GLP2R: variants seen among roughly 807,000 people sequenced by gnomAD.
The protein encoded by GLP2R is glucagon-like peptide 2 receptor.
GLP2R carries 59 observed loss-of-function variants against 68.2 expected under a neutral mutation model. That is an observed-to-expected ratio of 0.87 (90% confidence interval 0.70 to 1.07). The LOEUF is 1.07. GLP2R is among the 50% of genes least tolerant of loss of function. The probability of loss-of-function intolerance (pLI) is 0.00; values close to 1 mark genes in which losing one functional copy is unlikely to be tolerated. For missense variants in GLP2R, 548 were observed against 677.4 expected (o/e 0.81, Z 2.12); for synonymous variants, 270 against 265.4 (o/e 1.02, Z -0.17).
chr17:9,868,493 A>G (rs2067061602), intron 9 of GLP2R, among the ~76,000 whole-genome samples: 1 of 152,092 alleles, frequency 6.6e-6, no homozygotes, highest in African/African-American at 2.4e-5. Context: ...CTTAGCACCC[A>G]CCCCCATCTG....
Position 9,860,939 on chromosome 17 carries a change from C to G in GLP2R, c.926-200C>G, listed in dbSNP as rs551670909. ...ACAAGTATCCAGTCGCTTTCCCCCT[C>G]TGGGCCCTGGTTTCTTGGGTGGTAA... On this transcript the variant is annotated intron_variant, in intron 7 of 12. Coordinates refer to ENST00000262441, the MANE Select transcript of GLP2R (RefSeq NM_004246.3). Among the ~76,000 whole-genome samples, 26 of 152,304 alleles carry G rather than the reference C, an allele frequency of 1.7e-4. 1 individual carries two copies. The South Asian group carries it at 5.0e-3, about 29-fold the overall frequency.
rs756639326 is a variant in GLP2R at position 9,880,399 on chromosome 17, C to T, written c.1167C>T (p.Val389=). 6.3e-7 allele frequency: 1 copy of T among 1,599,868 alleles called. No individual in the cohort carries two copies. Among genetic ancestry groups the T allele is most frequent in the South Asian group, 1.1e-5 (1 of 88,808 alleles). The part of the protein sequence containing the change: ...YKYRLAKSTL[V]LIPLLGVHEI... The stretch of plus-strand genomic sequence containing the variant: ...ACAGATTGGCAAAATCAACACTGGT[C>T]CTCATTCCTTTATTGGGCGTTCATG... The change falls in exon 11 of 13, where the codon GTC becomes GTT. Residue 389 remains valine, a synonymous_variant. Transcript: ENST00000262441.
At chr17:9,852,152 C>T (rs1025383211) in intron 4 of GLP2R, among the ~76,000 whole-genome samples, 48 of 151,712 alleles carry the variant, frequency 3.2e-4, no homozygotes, top group Non-Finnish European at 1.0e-4. Context: ...TTGCTGCACC[C>T]ATCAACCCAT....
chr17:9,831,529 A>G (rs569787651), intron 1 of GLP2R, among the ~76,000 whole-genome samples: 1 of 152,284 alleles, frequency 6.6e-6, no homozygotes, highest in South Asian at 2.1e-4. Flanking sequence ...AAGTGTGGCC[A>G]AGGGTCTCTA....
intron 3 of GLP2R, among the ~76,000 whole-genome samples, chr17:9,838,386 G>A (rs766898279): frequency 2.2e-4 from 33 of 152,256 alleles, no homozygotes; most frequent in Middle Eastern, 6.8e-3. Context: ...CTTGGTCCGC[G>A]GGAGCTGAAG....
chr17:9,875,819 T>A (rs1231549749), intron 10 of GLP2R, among the ~76,000 whole-genome samples: 1 of 152,198 alleles, frequency 6.6e-6, no homozygotes, highest in Non-Finnish European at 1.5e-5. Context: ...GCCTTAACTC[T>A]CCATGGGATG....
At position 9,853,042 on chromosome 17, in the gene GLP2R, C is replaced by T. The variant is rs190956968; in HGVS notation, c.505-1453C>T. Reference sequence around the variant, plus strand: ...CGTGGGTGGTGTGATTTCAAAGCCCCCATGGAAACCATTGGCTGTACAGAC... The same window carrying T: ...CGTGGGTGGTGTGATTTCAAAGCCCTCATGGAAACCATTGGCTGTACAGAC... On this transcript the variant is annotated intron_variant, in intron 4 of 12. Coordinates refer to ENST00000262441, the MANE Select transcript of GLP2R (RefSeq NM_004246.3). The T allele has an allele frequency of 1.6e-5, 8 of 497,046 alleles. No homozygotes were observed. In the East Asian group the frequency reaches 3.7e-4, roughly 23 times the overall value. 30.8% of individuals were successfully genotyped at this position (497,046 alleles called of 1,614,324 possible).
At position 9,826,269 on chromosome 17, in the gene GLP2R, A is replaced by T. The variant is rs547784314; in HGVS notation, c.189+17A>T. ...ATCAAGCAAGTAAGAGCAGTTCATT[A>T]TTATTATTATTATCAGTTGTATTTC... On this transcript the variant is annotated intron_variant, in intron 1 of 12. Coordinates refer to ENST00000262441, the MANE Select transcript of GLP2R (RefSeq NM_004246.3). The T allele has an allele frequency of 1.1e-5, 16 of 1,514,608 alleles. No individual in the cohort carries two copies. The African/African-American group carries it at 1.8e-4, about 17-fold the overall frequency. 93.8% of individuals were successfully genotyped at this position (1,514,608 alleles called of 1,614,324 possible). A position where few individuals can be genotyped will look rare whatever the true frequency, so the allele number is the denominator to read the frequency against.
intron 4 of GLP2R, among the ~76,000 whole-genome samples, chr17:9,847,440 T>G (rs2066850598): frequency 6.6e-6 from 1 of 152,074 alleles, no homozygotes; most frequent in South Asian, 2.1e-4. Flanking sequence ...CGGCAATGTT[T>G]TGTATTTTTA....
intron 3 of GLP2R, among the ~76,000 whole-genome samples, chr17:9,836,750 C>T (rs2066735470): frequency 6.6e-6 from 1 of 151,874 alleles, no homozygotes; most frequent in South Asian, 2.1e-4. Context: ...GGTATCCATC[C>T]CCTCAAGCAT....
At chr17:9,842,714 G>T (rs538132427) in intron 4 of GLP2R, 98 bp downstream of exon 4, 65 of 1,309,444 alleles carry the variant, frequency 5.0e-5, no homozygotes, top group Non-Finnish European at 6.3e-5. Context: ...CACACAAAGA[G>T]GCTTCTCCAG....
At chr17:9,867,653 G>A (rs1180336987) in intron 9 of GLP2R, among the ~76,000 whole-genome samples, 1 of 152,182 alleles carries the variant, frequency 6.6e-6, no homozygotes, top group East Asian at 1.9e-4. Flanking sequence ...CTCAAGGACA[G>A]CCTTAGACAA....
intron 10 of GLP2R, among the ~76,000 whole-genome samples, chr17:9,875,847 T>C (rs1052041725): frequency 2.0e-5 from 3 of 152,220 alleles, no homozygotes; most frequent in Non-Finnish European, 4.4e-5. Flanking sequence ...GCAGAGCTCT[T>C]GATTCATTTA....
intron 1 of GLP2R, among the ~76,000 whole-genome samples, chr17:9,828,404 T>C (rs2066651741): frequency 6.6e-6 from 1 of 152,172 alleles, no homozygotes; most frequent in Non-Finnish European, 1.5e-5. Context: ...TCTCTGGATA[T>C]CTCATATCAA....
chr17:9,836,939 T>G (rs1229230793), intron 3 of GLP2R, among the ~76,000 whole-genome samples: 1 of 152,108 alleles, frequency 6.6e-6, no homozygotes, highest in African/African-American at 2.4e-5. Flanking sequence ...AACCTCCGCC[T>G]CCCAGGTTCA....
chr17:9,860,071 C>T lies in GLP2R; in HGVS notation c.895C>T (p.Leu299=), dbSNP rs1362732686. The part of the protein sequence containing the change: ...LEPTVLPERR[L]WPRYLLLGWA... Reference sequence around the variant, plus strand: ...GCCCACAGTGCTTCCTGAGAGGCGGCTGTGGCCCAGATACCTGCTGTTGGG... The same window carrying T: ...GCCCACAGTGCTTCCTGAGAGGCGGTTGTGGCCCAGATACCTGCTGTTGGG... Residue 299 remains leucine (L), a synonymous_variant, in exon 7 of 13, where the codon CTG becomes TTG. Coordinates refer to ENST00000262441, the MANE Select transcript of GLP2R (RefSeq NM_004246.3). The T allele has an allele frequency of 6.2e-7, 1 of 1,610,696 alleles. No individual in the cohort carries two copies. Among genetic ancestry groups the T allele is most frequent in the East Asian group, 2.2e-5 (1 of 44,720 alleles).
chr17:9,839,642 T>C (rs2066766307), intron 3 of GLP2R, among the ~76,000 whole-genome samples: 1 of 152,108 alleles, frequency 6.6e-6, no homozygotes, highest in African/African-American at 2.4e-5. Flanking sequence ...TTCTAAAATA[T>C]CATTCACATT....
chr17:9,848,609 G>A (rs903389560), intron 4 of GLP2R, among the ~76,000 whole-genome samples: 1 of 152,080 alleles, frequency 6.6e-6, no homozygotes, highest in African/African-American at 2.4e-5. Context: ...TCTCTCTTCG[G>A]AAAAGTGAGG....
At chr17:9,846,186 T>G (rs925890508) in intron 4 of GLP2R, among the ~76,000 whole-genome samples, 2 of 152,228 alleles carry the variant, frequency 1.3e-5, no homozygotes, top group Non-Finnish European at 2.9e-5. Context: ...AGCTTAATAC[T>G]AACCTATTAG....
Sources: gnomAD v4.1 joint callset for allele counts (sites outside exome capture counted in the v4.1 genomes callset) on GRCh38, gnomAD v4.1.1 for gene constraint, MANE v1.5 for transcripts, NCBI Gene and HGNC (gene_info 2026-07-23, HGNC 2026-07-21) for gene names.